Variants in CCNB3 observed in about 807,000 individuals in gnomAD.
CCNB3 encodes the protein cyclin B3.
CCNB3 carries 12 observed loss-of-function variants against 68.0 expected under a neutral mutation model. The ratio of observed to expected loss-of-function variants is 0.18; its 90% CI spans 0.11 to 0.29. The LOEUF is 0.29. Among genes scored for constraint, CCNB3 ranks in the 10% least tolerant of loss-of-function variants. CCNB3 has a pLI of 1.00. For missense variants in CCNB3, 904 were observed against 993.1 expected (o/e 0.91, Z 1.21); for synonymous variants, 354 against 388.9 (o/e 0.91, Z 1.06).
intron 1 of CCNB3, among the ~76,000 whole-genome samples, chrX:50,215,828 T>C (rs1425154521): frequency 1.8e-5 from 2 of 111,474 alleles, no homozygotes; most frequent in Non-Finnish European, 3.8e-5. Flanking sequence ...TTTTGTTTGT[T>C]TAAAATTAAT....
chrX:50,336,238 C>T (rs782087953), intron 8 of CCNB3, among the ~76,000 whole-genome samples: 2 of 112,012 alleles, frequency 1.8e-5, no homozygotes, highest in South Asian at 7.6e-4. Context: ...TTTCCAATGT[C>T]CTATTTCCTT....
At chrX:50,335,646 C>T (rs782698529) in intron 8 of CCNB3, among the ~76,000 whole-genome samples, 16 of 111,819 alleles carry the variant, frequency 1.4e-4, no homozygotes, top group Non-Finnish European at 3.0e-4. Context: ...CCACCAGTCC[C>T]GGAGGATTAT....
intron 8 of CCNB3, among the ~76,000 whole-genome samples, chrX:50,320,382 C>T (rs1054218737): frequency 1.8e-5 from 2 of 110,300 alleles, no homozygotes; most frequent in Admixed American, 9.7e-5. Flanking sequence ...TGGTCCCTTC[C>T]GTCTAAGCTG....
chrX:50,322,351 A>G (rs1381931150), intron 8 of CCNB3, among the ~76,000 whole-genome samples: 2 of 111,059 alleles, frequency 1.8e-5, no homozygotes, highest in Non-Finnish European at 3.8e-5. Context: ...AATGGTGCTG[A>G]GAAAACTGGC....
intron 1 of CCNB3, among the ~76,000 whole-genome samples, chrX:50,281,313 A>G (rs1360018076): frequency 9.0e-6 from 1 of 110,796 alleles, no homozygotes; most frequent in Non-Finnish European, 1.9e-5. Flanking sequence ...GGGCTGGTGG[A>G]GGGTCGCAGG....
At chrX:50,280,299 T>G (rs1385512076) in intron 1 of CCNB3, among the ~76,000 whole-genome samples, 1 of 100,986 alleles carries the variant, frequency 9.9e-6, no homozygotes, top group Non-Finnish European at 2.0e-5. Flanking sequence ...AATATAGATA[T>G]AAATATATAT....
intron 1 of CCNB3, among the ~76,000 whole-genome samples, chrX:50,225,289 T>A (rs1935734545): frequency 9.0e-6 from 1 of 110,896 alleles, no homozygotes; most frequent in Non-Finnish European, 1.9e-5. Flanking sequence ...TGTACAAAAA[T>A]ACCAGGTACA....
At chrX:50,208,996 T>A (rs184287382) in intron 1 of CCNB3, among the ~76,000 whole-genome samples, 20 of 112,115 alleles carry the variant, frequency 1.8e-4, no homozygotes, top group African/African-American at 4.5e-4. Flanking sequence ...TTCATCCATT[T>A]CTTTAAGTTG....
chrX:50,317,290 G>A (rs1186269124), intron 8 of CCNB3, among the ~76,000 whole-genome samples: 2 of 111,831 alleles, frequency 1.8e-5, no homozygotes, highest in Admixed American at 9.5e-5. Flanking sequence ...GTCAAGTTAC[G>A]AGAGTTCTTT....
At chrX:50,215,675 A>G in intron 1 of CCNB3, among the ~76,000 whole-genome samples, 1 of 110,689 alleles carries the variant, frequency 9.0e-6, no homozygotes, top group Non-Finnish European at 1.9e-5. Flanking sequence ...TGTATTTTGC[A>G]GATCTGATGG....
At chrX:50,288,744 A>G (rs1936289793) in intron 3 of CCNB3, 36 bp from the exon 4 acceptor site, 2 of 1,057,010 alleles carry the variant, frequency 1.9e-6, no homozygotes, top group Non-Finnish European at 1.3e-6. Context: ...ACTGTTCACA[A>G]TTGGATATAC....
chrX:50,336,141 A>G (rs782072770), intron 8 of CCNB3, among the ~76,000 whole-genome samples: 100 of 112,126 alleles, frequency 8.9e-4, no homozygotes, highest in African/African-American at 3.1e-3. Flanking sequence ...ATTGCCCTTC[A>G]GCCAGATTGA....
chrX:50,343,998 T>C (rs961373313), intron 9 of CCNB3, among the ~76,000 whole-genome samples: 1 of 112,317 alleles, frequency 8.9e-6, no homozygotes, highest in Admixed American at 9.4e-5. Context: ...CCAGAGCAAC[T>C]TCTACTCCCA....
At position 50,342,151 on chromosome X, in the gene CCNB3, A is replaced by G. The variant is rs369158068; in HGVS notation, c.3517-51A>G. ...AGGTAGCTAGATCTGTCTGGAGGCG[A>G]CTTTGGAGCTGGACAATATGCAGAT... is the stretch of plus-strand genomic sequence containing the variant. On this transcript the variant is annotated intron_variant, in intron 8 of 12. Coordinates refer to ENST00000376042, the MANE Select transcript of CCNB3 (RefSeq NM_033031.3). The G allele has an allele frequency of 2.5e-6, 3 of 1,205,478 alleles. No homozygotes were observed. The African/African-American group carries it at 5.2e-5, about 21-fold the overall frequency.
intron 1 of CCNB3, among the ~76,000 whole-genome samples, chrX:50,216,266 TG>T (rs1935570661): frequency 4.7e-5 from 5 of 107,179 alleles, no homozygotes; most frequent in African/African-American, 1.7e-4. Flanking sequence ...TGTGTGTGTG[TG>T]TTTGTGTGTG....
In CCNB3 at chrX:50,311,320, C is replaced by T. The variant is rs372165382; in HGVS notation, c.3151C>T (p.Pro1051Ser). Residue 1051 changes from proline to serine, a missense_variant, in exon 6 of 13, where the codon CCC becomes TCC. Physicochemically the swap from Pro to Ser is moderately conservative, Grantham distance 74. Coordinates refer to ENST00000376042, the MANE Select transcript of CCNB3 (RefSeq NM_033031.3). Reference sequence around the variant, plus strand: ...CACCTTTCTGGAAACATTCTTGATCCCCCAAATTGGAACCAGCCCATATGT... The same window carrying T: ...CACCTTTCTGGAAACATTCTTGATCTCCCAAATTGGAACCAGCCCATATGT... ...EDTFLETFLI[P>S]QIGTSPYVFS... 3.7e-5 allele frequency: 45 copies of T among 1,209,442 alleles called. No homozygotes were observed. Among genetic ancestry groups the T allele is most frequent in the East Asian group, 2.7e-4 (9 of 33,758 alleles).
At chrX:50,305,776 CTTTTT>C (rs146498028) in intron 5 of CCNB3, among the ~76,000 whole-genome samples, 1 of 37,173 alleles carries the variant, frequency 2.7e-5, no homozygotes, top group Non-Finnish European at 5.4e-5. Context: ...TTCTTTCTTT[CTTTTT>C]TTTTTTTTTT....
intron 8 of CCNB3, among the ~76,000 whole-genome samples, chrX:50,323,531 C>T (rs1289795217): frequency 1.8e-5 from 2 of 111,193 alleles, no homozygotes; most frequent in South Asian, 3.9e-4. Flanking sequence ...CAAACTTGCA[C>T]GTTGTGCACA....
rs201606857 is a variant in CCNB3 at position 50,204,815 on chromosome X, C to CCTCTCTCT, written c.-235_-228dup. On this transcript the variant is annotated 5_prime_UTR_variant, in exon 1 of 13. Coordinates refer to ENST00000376042, the MANE Select transcript of CCNB3 (RefSeq NM_033031.3). The stretch of plus-strand genomic sequence containing the variant: ...ACAGTTGGGCTGAGGCGGTTGGTCG[C>CCTCTCTCT]CTCTCTCTCTCTCTCTCTCTGTTCC... 12 of 102,243 alleles carry CCTCTCTCT rather than the reference C, an allele frequency of 1.2e-4. No homozygotes were observed. Among genetic ancestry groups the CCTCTCTCT allele is most frequent in the Admixed American group, 2.1e-4 (2 of 9,361 alleles). 8.4% of individuals were successfully genotyped at this position (102,243 alleles called of 1,213,427 possible).
Sources: gnomAD v4.1 joint callset for allele counts (sites outside exome capture counted in the v4.1 genomes callset) on GRCh38, gnomAD v4.1.1 for gene constraint, MANE v1.5 for transcripts, NCBI Gene and HGNC (gene_info 2026-07-23, HGNC 2026-07-21) for gene names.